The following SLC8A1 variants were observed in gnomAD, a reference collection of about 807,000 sequenced individuals.
SLC8A1 encodes sodium/calcium exchanger 1.
Under a neutral mutation model 68.3 loss-of-function variants are expected in SLC8A1, and 18 were observed. The observed-to-expected ratio is 0.26, with a 90% CI of 0.18 to 0.39. The LOEUF is 0.39. Among genes scored for constraint, SLC8A1 ranks in the 10% least tolerant of loss-of-function variants. SLC8A1 has a pLI of 1.00. For missense variants in SLC8A1, 985 were observed against 1,156.7 expected, an observed-to-expected ratio of 0.85 and a Z score of 2.15; for synonymous variants, 475 against 415.5, an observed-to-expected ratio of 1.14 and a Z score of -1.74.
chr2:40,374,465 T>C (rs1679157616), intron 2 of SLC8A1, among the ~76,000 whole-genome samples: 1 of 152,022 alleles, frequency 6.6e-6, no homozygotes, highest in Non-Finnish European at 1.5e-5. Flanking sequence ...CAGGTGTGTG[T>C]GTATATATAT....
intron 1 of SLC8A1, among the ~76,000 whole-genome samples, chr2:40,470,585 G>A (rs975711274): frequency 6.6e-6 from 1 of 151,672 alleles, no homozygotes; most frequent in Non-Finnish European, 1.5e-5. Context: ...TTAAGAGCAA[G>A]TTATAAAACA....
intron 2 of SLC8A1, among the ~76,000 whole-genome samples, chr2:40,287,582 A>ATATGTGTGTGTGTGTGTGTGTG (rs1553475923): frequency 7.8e-6 from 1 of 127,480 alleles, no homozygotes; most frequent in African/African-American, 3.0e-5. Context: ...CAGAGGAATG[A>ATATGTGTGTGTGTGTGTGTGTG]TGTGTGTGTG....
intron 2 of SLC8A1, among the ~76,000 whole-genome samples, chr2:40,423,776 G>C (rs1696136039): frequency 6.6e-6 from 1 of 151,938 alleles, no homozygotes; most frequent in African/African-American, 2.4e-5. Flanking sequence ...ACTAAATTCA[G>C]ACTCATAAAT....
chr2:40,441,813 C>A (rs1700538071), intron 1 of SLC8A1, among the ~76,000 whole-genome samples: 1 of 151,652 alleles, frequency 6.6e-6, no homozygotes. Flanking sequence ...CCATAAAAAC[C>A]CTAGAAGAAA....
At chr2:40,483,068 G>A (rs1470977281) in intron 1 of SLC8A1, among the ~76,000 whole-genome samples, 1 of 151,132 alleles carries the variant, frequency 6.6e-6, no homozygotes, top group Non-Finnish European at 1.5e-5. Flanking sequence ...GCTCCCAAAG[G>A]GCTGGGATTA....
At chr2:40,395,161 C>A (rs1335272877) in intron 2 of SLC8A1, among the ~76,000 whole-genome samples, 1 of 152,088 alleles carries the variant, frequency 6.6e-6, no homozygotes, top group Non-Finnish European at 1.5e-5. Flanking sequence ...ACAAAAGCAA[C>A]AACTAAAGAA....
At chr2:40,359,607 G>C (rs930591096) in intron 2 of SLC8A1, among the ~76,000 whole-genome samples, 1 of 152,106 alleles carries the variant, frequency 6.6e-6, no homozygotes, top group African/African-American at 2.4e-5. Context: ...GTAGAGATAA[G>C]AGGAGTGGAA....
At chr2:40,174,921 A>G (rs2048203517) in intron 3 of SLC8A1, 79 bp from the exon 5 acceptor site, 4 of 1,376,600 alleles carry the variant, frequency 2.9e-6, no homozygotes, top group Non-Finnish European at 4.1e-6. Flanking sequence ...AGACTGCCTG[A>G]CAACCCACCC....
intron 2 of SLC8A1, among the ~76,000 whole-genome samples, chr2:40,324,269 G>T (rs2075560662): frequency 6.6e-6 from 1 of 152,132 alleles, no homozygotes; most frequent in Admixed American, 6.6e-5. Context: ...AAGTGAGAAG[G>T]TAAGAAGGGC....
At chr2:40,234,528 A>T (rs145777150) in intron 2 of SLC8A1, among the ~76,000 whole-genome samples, 2,419 of 152,244 alleles carry the variant, frequency 0.016, 45 homozygotes, top group African/African-American at 0.041. Flanking sequence ...CTAGATATAC[A>T]ATCATGTCTT....
chr2:40,336,498 A>G (rs1666022094), intron 2 of SLC8A1, among the ~76,000 whole-genome samples: 1 of 152,154 alleles, frequency 6.6e-6, no homozygotes, highest in South Asian at 2.1e-4. Flanking sequence ...GCTCCTCAAG[A>G]GTTCCAGATA....
chr2:40,150,238 G>T (rs373938706), intron 6 of SLC8A1, among the ~76,000 whole-genome samples: 5 of 152,124 alleles, frequency 3.3e-5, no homozygotes, highest in African/African-American at 4.8e-5. Flanking sequence ...TGGTTCACGC[G>T]AGTGGCTTTT....
intron 1 of SLC8A1, among the ~76,000 whole-genome samples, chr2:40,451,417 G>A (rs944911326): frequency 6.6e-6 from 1 of 152,148 alleles, no homozygotes; most frequent in African/African-American, 2.4e-5. Flanking sequence ...TGGAAAACAG[G>A]GGGCTCGGAA....
intron 2 of SLC8A1, among the ~76,000 whole-genome samples, chr2:40,252,953 ATGTGTG>A (rs1459518720): frequency 4.3e-4 from 42 of 96,562 alleles, no homozygotes; most frequent in Non-Finnish European, 6.7e-4. Context: ...ATATATACAT[ATGTGTG>A]TATATGTATG....
At chr2:40,435,413 A>G (rs77237116) in intron 1 of SLC8A1, among the ~76,000 whole-genome samples, 1 of 72,300 alleles carries the variant, frequency 1.4e-5, no homozygotes, top group Admixed American at 1.6e-4. Flanking sequence ...AGATTTCAGG[A>G]AAAAAAAAAC....
chr2:40,360,974 C>T (rs1268910266), intron 2 of SLC8A1, among the ~76,000 whole-genome samples: 8 of 151,940 alleles, frequency 5.3e-5, no homozygotes, highest in Non-Finnish European at 1.0e-4. Flanking sequence ...CTGTAGATCT[C>T]GTGTGGATCT....
exon 8 of SLC8A1, chr2:40,115,424 A>C (rs1272273162): frequency 6.2e-7 from 1 of 1,614,170 alleles, no homozygotes; most frequent in Non-Finnish European, 8.5e-7. Context: ...TGATGAAAGC[A>C]AAAATGGTGA....
At chr2:40,365,094 A>G (rs1264716951) in intron 2 of SLC8A1, among the ~76,000 whole-genome samples, 4 of 152,050 alleles carry the variant, frequency 2.6e-5, no homozygotes, top group Non-Finnish European at 5.9e-5. Flanking sequence ...CATGTTCTCC[A>G]TGAGTTATTT....
chr2:40,181,278 T>A (rs55719982), intron 2 of SLC8A1, among the ~76,000 whole-genome samples: 7,685 of 152,252 alleles, frequency 0.05, 210 homozygotes, highest in Non-Finnish European at 0.062. Flanking sequence ...ATACTCTAAG[T>A]AGCTGATGGG....
Sources: allele counts gnomAD v4.1 joint callset (sites outside exome capture counted in the v4.1 genomes callset), GRCh38; gene constraint gnomAD v4.1.1; transcripts MANE v1.5; gene names NCBI Gene and HGNC (gene_info 2026-07-23, HGNC 2026-07-21).